Variants in SUGCT observed in about 807,000 individuals in gnomAD.
The protein encoded by SUGCT is succinyl-CoA:glutarate-CoA transferase, also known as succinyl-CoA:glutarate CoA-transferase.
A neutral mutation model predicts 55.0 loss-of-function variants in SUGCT; 41 were observed. The observed-to-expected ratio is 0.74, with a 90% CI of 0.58 to 0.97. The LOEUF is 0.97. Among genes scored for constraint, SUGCT ranks in the 50% least tolerant of loss-of-function variants. The pLI, the probability that SUGCT is intolerant of heterozygous loss-of-function variation, is 0.00. For synonymous variants in SUGCT, 187 were observed against 200.4 expected, an observed-to-expected ratio of 0.93 and a Z score of 0.56; for missense variants, 568 against 547.8, an observed-to-expected ratio of 1.04 and a Z score of -0.37.
chr7:40,183,132 G>C (rs1033735162), intron 3 of SUGCT, among the ~76,000 whole-genome samples: 2 of 152,170 alleles, frequency 1.3e-5, no homozygotes, highest in Admixed American at 1.3e-4. Flanking sequence ...AATGAGCCAG[G>C]CATGGTGGCA....
intron 12 of SUGCT, among the ~76,000 whole-genome samples, chr7:40,735,042 G>A (rs1157200690): frequency 6.6e-6 from 1 of 152,216 alleles, no homozygotes; most frequent in African/African-American, 2.4e-5. Flanking sequence ...GAGTTATTTG[G>A]TTCTTGCTAA....
intron 12 of SUGCT, among the ~76,000 whole-genome samples, chr7:40,588,772 A>C (rs1313797243): frequency 1.3e-5 from 2 of 152,178 alleles, no homozygotes; most frequent in East Asian, 3.9e-4. Context: ...CTTTGAATGA[A>C]TTTCATCTAC....
intron 11 of SUGCT, among the ~76,000 whole-genome samples, chr7:40,484,203 TG>T (rs1791207292): frequency 6.6e-6 from 1 of 152,334 alleles, no homozygotes; most frequent in South Asian, 2.1e-4. Flanking sequence ...GGCAGCAGTG[TG>T]TAGTGAGATG....
At chr7:40,392,658 T>C (rs1353182112) in intron 9 of SUGCT, among the ~76,000 whole-genome samples, 4 of 152,134 alleles carry the variant, frequency 2.6e-5, no homozygotes, top group Admixed American at 1.3e-4. Context: ...ATCGATGACA[T>C]TGTAATATTT....
intron 13 of SUGCT, among the ~76,000 whole-genome samples, chr7:40,859,080 C>T (rs573088044): frequency 6.6e-6 from 1 of 151,418 alleles, no homozygotes; most frequent in African/African-American, 2.4e-5. Flanking sequence ...AAGAGAAAGC[C>T]AGAAAAAAAA....
At chr7:40,872,452 A>G in the SUGCT span, among the ~76,000 whole-genome samples, 1 of 152,192 alleles carries the variant, frequency 6.6e-6, no homozygotes, top group East Asian at 1.9e-4. Context: ...TTGTTCTTCA[A>G]ATTTGCAGTT....
At chr7:40,219,053 G>T (rs1204794699) in intron 6 of SUGCT, among the ~76,000 whole-genome samples, 1 of 152,148 alleles carries the variant, frequency 6.6e-6, no homozygotes, top group African/African-American at 2.4e-5. Flanking sequence ...TCACCACGAA[G>T]GTCTGCAGCT....
intron 11 of SUGCT, among the ~76,000 whole-genome samples, chr7:40,493,745 T>G (rs1791821049): frequency 6.6e-6 from 1 of 152,218 alleles, no homozygotes; most frequent in South Asian, 2.1e-4. Flanking sequence ...CCCTGAGTGA[T>G]TTAGATCAGC....
chr7:40,758,668 C>T (rs976829), intron 13 of SUGCT, among the ~76,000 whole-genome samples: 149,605 of 152,236 alleles, frequency 0.98, 73,528 homozygotes, highest in East Asian at 1. Context: ...AATGAAACCA[C>T]ATCTTCATGT....
chr7:40,347,459 G>C (rs1045525068), intron 9 of SUGCT, among the ~76,000 whole-genome samples: 1 of 152,196 alleles, frequency 6.6e-6, no homozygotes, highest in South Asian at 2.1e-4. Context: ...TAGCTTGAGA[G>C]ATGTCAAAAC....
chr7:40,815,596 A>G (rs1445688006), intron 13 of SUGCT, among the ~76,000 whole-genome samples: 1 of 152,114 alleles, frequency 6.6e-6, no homozygotes, highest in African/African-American at 2.4e-5. Flanking sequence ...TAAGGCAAGC[A>G]TCCTGGAGAT....
intron 12 of SUGCT, among the ~76,000 whole-genome samples, chr7:40,744,887 C>T (rs1787652814): frequency 6.6e-6 from 1 of 152,228 alleles, no homozygotes; most frequent in Non-Finnish European, 1.5e-5. Context: ...AAATCACCAA[C>T]TTCTTTCAAG....
intron 9 of SUGCT, among the ~76,000 whole-genome samples, chr7:40,408,710 T>A (rs1786509154): frequency 6.6e-6 from 1 of 152,170 alleles, no homozygotes; most frequent in African/African-American, 2.4e-5. Context: ...GCATTCTCAT[T>A]GTTGGAAATT....
the SUGCT span, among the ~76,000 whole-genome samples, chr7:40,898,480 C>CGGGGGGGGGGGGGG: frequency 1.6e-3 from 9 of 5,720 alleles, 1 homozygote; most frequent in South Asian, 5.9e-3. Flanking sequence ...TCCGGGAGGT[C>CGGGGGGGGGGGGGG]GGGGGGGGGG....
chr7:40,167,486 T>C (rs1204607315), intron 1 of SUGCT, among the ~76,000 whole-genome samples: 1 of 152,160 alleles, frequency 6.6e-6, no homozygotes, highest in African/African-American at 2.4e-5. Flanking sequence ...GGTGGCAGGC[T>C]GCTCCTAAGA....
In SUGCT at chr7:40,195,044, C is replaced by G. The variant is rs1786163762; in HGVS notation, c.468C>G (p.Ile156Met). Residue 156 changes from isoleucine to methionine, a missense_variant, in exon 6 of 14, where the codon ATC becomes ATG. Ile to Met is a conservative substitution (Grantham distance 10, BLOSUM62 1). Coordinates refer to ENST00000335693, the MANE Select transcript of SUGCT (RefSeq NM_001193313.2). The part of the protein sequence containing the change: ...EDIDEIAPHI[I>M]YCSITGYGQT... The stretch of plus-strand genomic sequence containing the variant: ...TAGACGAGATTGCTCCTCACATCAT[C>G]TATTGTTCCATCACAGGTATTTCAA... 1.2e-6 allele frequency: 2 copies of G among 1,613,256 alleles called. No individual in the cohort carries two copies. The highest frequency in any genetic ancestry group is 2.2e-5 in the East Asian group (1 of 44,852).
intron 13 of SUGCT, among the ~76,000 whole-genome samples, chr7:40,852,832 T>A (rs1426261504): frequency 6.6e-6 from 1 of 152,090 alleles, no homozygotes; most frequent in African/African-American, 2.4e-5. Context: ...TTTTAATAAT[T>A]TTATAATTTT....
intron 12 of SUGCT, among the ~76,000 whole-genome samples, chr7:40,674,674 G>A (rs1182844661): frequency 6.6e-6 from 1 of 152,178 alleles, no homozygotes; most frequent in Non-Finnish European, 1.5e-5. Context: ...GTATAAAAAT[G>A]ACTCTAGTTC....
chr7:40,521,970 T>C (rs1272483110), intron 12 of SUGCT, among the ~76,000 whole-genome samples: 1 of 152,138 alleles, frequency 6.6e-6, no homozygotes, highest in African/African-American at 2.4e-5. Context: ...CTATATTCTG[T>C]TTTGTGATGT....
Sources: gnomAD v4.1 joint callset for allele counts (sites outside exome capture counted in the v4.1 genomes callset) on GRCh38, gnomAD v4.1.1 for gene constraint, MANE v1.5 for transcripts, NCBI Gene and HGNC (gene_info 2026-07-23, HGNC 2026-07-21) for gene names.